SAMMSON: variants seen among roughly 807,000 people sequenced by gnomAD.
SAMMSON encodes the protein long intergenic non-protein coding RNA 1212.
intron 2 of SAMMSON, among the ~76,000 whole-genome samples, chr3:70,410,891 TAA>T (rs1701212777): frequency 1.3e-5 from 2 of 152,174 alleles, no homozygotes; most frequent in African/African-American, 4.8e-5. Flanking sequence ...CTGAAACCCA[TAA>T]GAAATTGGCA....
rs931260388 is a variant in SAMMSON, at chr3:70,367,187, C to T, written n.913+8863C>T. Among the ~76,000 whole-genome samples, 4 of 151,626 alleles carry T rather than the reference C, an allele frequency of 2.6e-5. No homozygotes were observed. The East Asian group carries it at 5.8e-4, about 22-fold the overall frequency. ...TGTTAAGAACACAAATCTTTTCTTC[C>T]AACTACTTTGAAGTATACAATAAAT... On this transcript the variant is annotated intron_variant and non_coding_transcript_variant, in intron 9 of 9. Coordinates refer to ENST00000642114, the Ensembl canonical transcript of SAMMSON.
At chr3:70,124,555 G>A (rs1373631404) in intron 4 of SAMMSON, among the ~76,000 whole-genome samples, 1 of 152,114 alleles carries the variant, frequency 6.6e-6, no homozygotes, top group Non-Finnish European at 1.5e-5. Context: ...GCTCACGCCT[G>A]TAATCCCAGC....
chr3:70,172,576 G>A (rs1448321080), intron 4 of SAMMSON: 2 of 151,986 alleles, frequency 1.3e-5, no homozygotes, highest in Admixed American at 6.6e-5. Context: ...TCAGACCTGT[G>A]TTTGGGTTAG....
intron 6 of SAMMSON, among the ~76,000 whole-genome samples, chr3:70,251,066 C>T (rs556765054): frequency 3.9e-5 from 6 of 152,182 alleles, no homozygotes; most frequent in Non-Finnish European, 5.9e-5. Flanking sequence ...ACGGTTGAAT[C>T]GTATTCATTA....
chr3:70,348,638 C>T (rs1037468422), intron 7 of SAMMSON, among the ~76,000 whole-genome samples: 2 of 152,138 alleles, frequency 1.3e-5, no homozygotes, highest in African/African-American at 4.8e-5. Context: ...TAGGGGGACA[C>T]AAACATTTAG....
intron 4 of SAMMSON, among the ~76,000 whole-genome samples, chr3:70,220,790 G>A (rs1402958140): frequency 6.6e-6 from 1 of 152,148 alleles, no homozygotes; most frequent in African/African-American, 2.4e-5. Context: ...CAGTCTCTCT[G>A]AAGCGTTCCT....
chr3:70,027,219 G>A (rs572051467), intron 3 of SAMMSON, among the ~76,000 whole-genome samples: 35 of 152,226 alleles, frequency 2.3e-4, no homozygotes, highest in African/African-American at 7.9e-4. Context: ...GAAGCATTGT[G>A]GACTTTGAAG....
intron 8 of SAMMSON, among the ~76,000 whole-genome samples, chr3:70,358,037 G>C (rs1350637656): frequency 1.3e-5 from 2 of 152,070 alleles, no homozygotes; most frequent in African/African-American, 4.8e-5. Flanking sequence ...GAGTCAGTTC[G>C]TACAGTTCCC....
intron 4 of SAMMSON, among the ~76,000 whole-genome samples, chr3:70,108,423 C>CTGTTTTTTTTTTTTTTTTTTTTTTT (rs2067375584): frequency 1.1e-5 from 1 of 89,376 alleles, no homozygotes; most frequent in African/African-American, 4.1e-5. Context: ...CTTGCGGTTC[C>CTGTTTTTTTTTTTTTTTTTTTTTTT]TTTTTTTTTT....
chr3:70,431,798 G>A (rs1701414636), intron 2 of SAMMSON, among the ~76,000 whole-genome samples: 1 of 151,912 alleles, frequency 6.6e-6, no homozygotes, highest in Non-Finnish European at 1.5e-5. Flanking sequence ...CAATGGATTA[G>A]TTATATATAT....
At chr3:70,123,139 T>G (rs1414897057) in intron 4 of SAMMSON, among the ~76,000 whole-genome samples, 1 of 152,200 alleles carries the variant, frequency 6.6e-6, no homozygotes, top group African/African-American at 2.4e-5. Flanking sequence ...TCTCATTCAG[T>G]GGGGCTGGGG....
At chr3:70,318,172 A>G (rs1024228218) in intron 7 of SAMMSON, among the ~76,000 whole-genome samples, 4 of 151,988 alleles carry the variant, frequency 2.6e-5, no homozygotes, top group Non-Finnish European at 5.9e-5. Context: ...CAAATTTAGA[A>G]CACTTGGCCC....
intron 7 of SAMMSON, among the ~76,000 whole-genome samples, chr3:70,332,504 T>A (rs552771145): frequency 1.1e-3 from 160 of 152,268 alleles, no homozygotes; most frequent in African/African-American, 3.7e-3. Flanking sequence ...GCTCACCTCT[T>A]GGAAGAAGTT....
intron 7 of SAMMSON, chr3:70,302,714 T>G (rs1338140094): frequency 6.6e-6 from 1 of 152,230 alleles, no homozygotes; most frequent in Non-Finnish European, 1.5e-5. Flanking sequence ...CTGGATTTGA[T>G]GTACTGCCTT....
chr3:70,419,002 T>TC lies in SAMMSON; in HGVS notation n.234-43558_234-43557insC, dbSNP rs1559585602. Among the ~76,000 whole-genome samples the TC allele has an allele frequency of 2.7e-3, 366 of 133,096 alleles. 14 individuals carry two copies. Among genetic ancestry groups the TC allele is most frequent in the African/African-American group, 9.8e-3 (350 of 35,734 alleles). 87.3% of individuals were successfully genotyped at this position (133,096 alleles called of 152,430 possible). A position where few individuals can be genotyped will look rare whatever the true frequency, so the allele number is the denominator to read the frequency against. On this transcript the variant is annotated intron_variant and non_coding_transcript_variant, in intron 2 of 3. Transcript: ENST00000641053. ...CCTTCTCTCTCTCTCTCTCTCTCTC[T>TC]TTCTTTCTTTCTTTCCTTCTTTCTT...
At chr3:70,229,800 T>C (rs62254856) in intron 4 of SAMMSON, among the ~76,000 whole-genome samples, 27,416 of 152,122 alleles carry the variant, frequency 0.18, 2,759 homozygotes, top group Non-Finnish European at 0.23. Context: ...AAGAATTCAC[T>C]TTTATTAAAT....
intron 6 of SAMMSON, among the ~76,000 whole-genome samples, chr3:70,278,863 A>C (rs1411291091): frequency 1.3e-5 from 2 of 151,988 alleles, no homozygotes; most frequent in Non-Finnish European, 2.9e-5. Flanking sequence ...GGTTGTTGTA[A>C]AAACAAATGA....
At chr3:70,372,543 A>G (rs1411489823) in intron 9 of SAMMSON, among the ~76,000 whole-genome samples, 3 of 151,958 alleles carry the variant, frequency 2.0e-5, no homozygotes, top group Non-Finnish European at 4.4e-5. Context: ...CAGATGATCC[A>G]CCTGCCTTGG....
rs565263471 is a variant in SAMMSON, at chr3:70,162,279, T to C, written n.508-86828T>C. Among the ~76,000 whole-genome samples the C allele has an allele frequency of 3.4e-4, 52 of 152,000 alleles. No homozygotes were observed. The South Asian group carries it at 9.1e-3, about 27-fold the overall frequency. On this transcript the variant is annotated intron_variant and non_coding_transcript_variant, in intron 4 of 9. Transcript: ENST00000642114. Reference sequence around the variant, plus strand: ...TTTTAAATATAGGCATTTAAAACTATAAATTTCTCTCCAAGCGTTGGTTTA... The same window carrying C: ...TTTTAAATATAGGCATTTAAAACTACAAATTTCTCTCCAAGCGTTGGTTTA...
Sources: allele counts gnomAD v4.1 joint callset (sites outside exome capture counted in the v4.1 genomes callset), GRCh38; gene constraint gnomAD v4.1.1; transcripts MANE v1.5; gene names NCBI Gene and HGNC (gene_info 2026-07-23, HGNC 2026-07-21).